The following CDC123 variants were observed in gnomAD, a reference collection of about 807,000 sequenced individuals.
CDC123 encodes the protein translation initiation factor eIF2 assembly protein.
A neutral mutation model predicts 54.4 loss-of-function variants in CDC123; 37 were observed. The ratio of observed to expected loss-of-function variants is 0.68; its 90% CI spans 0.52 to 0.89. The LOEUF (loss-of-function observed/expected upper bound fraction) is 0.89, where lower values mean the gene tolerates loss of function less well. Ranked by LOEUF, CDC123 falls within the 40% of genes least tolerant of loss-of-function variation. CDC123 has a pLI of 0.00. For missense variants in CDC123, 361 were observed against 412.1 expected (o/e 0.88, Z 1.07); for synonymous variants, 144 against 136.8 (o/e 1.05, Z -0.37).
rs763423607 is a variant in CDC123, at chr10:12,250,402, G to A, written c.*65G>A. ...CCGCTCCGGGAGCTGCTCATCAGCC[G>A]CAACTTCCTGCCGACCCTGATGCGG... On this transcript the variant is annotated 3_prime_UTR_variant, in exon 13 of 13. Transcript: ENST00000281141. 1.0e-5 allele frequency: 13 copies of A among 1,242,112 alleles called. No homozygotes were observed. The highest frequency in any genetic ancestry group is 5.1e-5 in the Admixed American group (3 of 58,876). The allele number at this position is 1,242,112 out of a possible 1,614,324, so 76.9% of individuals were successfully genotyped here.
intron 6 of CDC123, among the ~76,000 whole-genome samples, chr10:12,224,507 A>G (rs542005156): frequency 2.2e-4 from 34 of 152,228 alleles, no homozygotes; most frequent in African/African-American, 7.7e-4. Flanking sequence ...TGCCACTTAC[A>G]TTGTAAATAA....
intron 7 of CDC123, among the ~76,000 whole-genome samples, chr10:12,232,787 T>TC (rs1685488321): frequency 8.9e-6 from 1 of 112,994 alleles, no homozygotes; most frequent in Non-Finnish European, 2.2e-5. Context: ...TCCTTACCTT[T>TC]CTTTTTTTTT....
intron 4 of CDC123, among the ~76,000 whole-genome samples, chr10:12,210,676 GTATAT>G (rs1835585803): frequency 6.6e-6 from 1 of 152,058 alleles, no homozygotes; most frequent in African/African-American, 2.4e-5. Flanking sequence ...CCTTATTCAA[GTATAT>G]TTATTTAGTT....
chr10:12,197,346 A>G (rs957315249), intron 1 of CDC123, among the ~76,000 whole-genome samples: 3 of 151,576 alleles, frequency 2.0e-5, no homozygotes, highest in Non-Finnish European at 4.4e-5. Flanking sequence ...ACGTAATAAG[A>G]TTTGTTAGAA....
At chr10:12,220,107 A>C (rs1835716087) in intron 6 of CDC123, among the ~76,000 whole-genome samples, 1 of 152,238 alleles carries the variant, frequency 6.6e-6, no homozygotes, top group Non-Finnish European at 1.5e-5. Context: ...CTGGGATTAC[A>C]AGCGTGAGCC....
chr10:12,201,120 T>C (rs1013749868), intron 2 of CDC123, among the ~76,000 whole-genome samples: 1 of 152,248 alleles, frequency 6.6e-6, no homozygotes, highest in African/African-American at 2.4e-5. Flanking sequence ...TTTCTAGCCC[T>C]TCCCTCTGTG....
chr10:12,237,035 A>G, intron 8 of CDC123, 109 bp from the exon 9 acceptor site: 1 of 1,297,102 alleles, frequency 7.7e-7, no homozygotes, highest in Non-Finnish European at 1.0e-6. Flanking sequence ...CATCAGGGTG[A>G]TCTTCTAATC....
chr10:12,229,681 C>G (rs564460314), intron 6 of CDC123, among the ~76,000 whole-genome samples: 1 of 152,314 alleles, frequency 6.6e-6, no homozygotes, highest in African/African-American at 2.4e-5. Flanking sequence ...TCAACCAGAA[C>G]AAAGGAGTCT....
chr10:12,205,025 A>G (rs1588669965), intron 2 of CDC123, among the ~76,000 whole-genome samples: 1 of 142,522 alleles, frequency 7.0e-6, no homozygotes, highest in Non-Finnish European at 1.5e-5. Context: ...GGTCTTATTC[A>G]TTCTTTCTAC....
Position 12,246,483 on chromosome 10 carries a change from C to A in CDC123, c.846+206C>A, listed in dbSNP as rs1836139802. On this transcript the variant is annotated intron_variant, in intron 11 of 12. Transcript: ENST00000281141. ...CTTTATATACAGAAGTCAGGATCAT[C>A]TGATCAGTTTTTTTAGTTCTTTTTC... is the stretch of plus-strand genomic sequence containing the variant. The A allele has an allele frequency of 1.2e-5, 6 of 481,738 alleles. No homozygotes were observed. In the South Asian group the frequency reaches 2.0e-4, roughly 16 times the overall value. The allele number at this position is 481,738 out of a possible 1,614,324, so 29.8% of individuals were successfully genotyped here.
chr10:12,250,382 C>T lies in CDC123; in HGVS notation c.*45C>T, dbSNP rs370421444. The T allele has an allele frequency of 4.7e-6, 7 of 1,499,064 alleles. No homozygotes were observed. The highest frequency in any genetic ancestry group is 4.1e-5 in the African/African-American group (3 of 72,756). The allele number at this position is 1,499,064 out of a possible 1,614,324, so 92.9% of individuals were successfully genotyped here. Reference sequence around the variant, plus strand: ...GAAGAGGAGGCCCCGCCCCACCGCTCCGGGAGCTGCTCATCAGCCGCAACT... The same window carrying T: ...GAAGAGGAGGCCCCGCCCCACCGCTTCGGGAGCTGCTCATCAGCCGCAACT... On this transcript the variant is annotated 3_prime_UTR_variant, in exon 13 of 13. Transcript: ENST00000281141.
At position 12,206,416 on chromosome 10, in the gene CDC123, C is replaced by T. The variant is rs76290004; in HGVS notation, c.147-3551C>T. ...CTGGCCCCTTGGGCAGGGATTCACA[C>T]GCTGACAGTGTGTTAGTATTTCCAC... is the stretch of plus-strand genomic sequence containing the variant. On this transcript the variant is annotated intron_variant, in intron 2 of 12. Coordinates refer to ENST00000281141, the MANE Select transcript of CDC123 (RefSeq NM_006023.3). Among the ~76,000 whole-genome samples, 926 of 152,322 alleles carry T rather than the reference C, an allele frequency of 6.1e-3. 9 individuals carry two copies. The highest frequency in any genetic ancestry group is 0.021 in the African/African-American group (886 of 41,560).
chr10:12,246,391 G>A (rs1588685443), intron 11 of CDC123, 114 bp downstream of exon 11: 1 of 1,197,598 alleles, frequency 8.4e-7, no homozygotes, highest in South Asian at 1.5e-5. Context: ...GAAGCGCAGA[G>A]TGTAACACAG....
At chr10:12,242,823 T>A (rs2131767345) in intron 10 of CDC123, among the ~76,000 whole-genome samples, 1 of 151,910 alleles carries the variant, frequency 6.6e-6, no homozygotes, top group South Asian at 2.1e-4. Flanking sequence ...GCGCCTGTAA[T>A]CCCAGCTACT....
chr10:12,240,707 C>G (rs759634780), intron 10 of CDC123, among the ~76,000 whole-genome samples: 19 of 152,120 alleles, frequency 1.2e-4, no homozygotes, highest in Non-Finnish European at 1.9e-4. Flanking sequence ...GAGACCTCGT[C>G]TCTACATAAA....
rs181380454 is a variant in CDC123, at chr10:12,200,804, G to A, written c.146+2028G>A. Among the ~76,000 whole-genome samples, 23 of 152,256 alleles carry A rather than the reference G, an allele frequency of 1.5e-4. No homozygotes were observed. In the East Asian group the frequency reaches 1.9e-3, roughly 13 times the overall value. Reference sequence around the variant, plus strand: ...AAAAATTAGCCGGGCATGGTGGTGGGCACCTCTGATTCCTACTACTCGGGA... The same window carrying A: ...AAAAATTAGCCGGGCATGGTGGTGGACACCTCTGATTCCTACTACTCGGGA... On this transcript the variant is annotated intron_variant, in intron 2 of 12. Coordinates refer to ENST00000281141, the MANE Select transcript of CDC123 (RefSeq NM_006023.3).
chr10:12,215,930 C>A, intron 5 of CDC123, 95 bp downstream of exon 5: 1 of 680,954 alleles, frequency 1.5e-6, no homozygotes, highest in South Asian at 2.4e-5. Context: ...AATTATATTC[C>A]TAATTCTAGG....
chr10:12,215,403 C>G (rs536111956), intron 4 of CDC123, among the ~76,000 whole-genome samples: 1 of 152,270 alleles, frequency 6.6e-6, no homozygotes, highest in African/African-American at 2.4e-5. Context: ...TTCCACCTGT[C>G]TATTTTCTCT....
At chr10:12,208,405 T>G (rs1176173942) in intron 2 of CDC123, among the ~76,000 whole-genome samples, 1 of 152,142 alleles carries the variant, frequency 6.6e-6, no homozygotes, top group East Asian at 1.9e-4. Flanking sequence ...AGTGACTATT[T>G]GGGGCCAATG....
Sources: allele counts gnomAD v4.1 joint callset (sites outside exome capture counted in the v4.1 genomes callset), GRCh38; gene constraint gnomAD v4.1.1; transcripts MANE v1.5; gene names NCBI Gene and HGNC (gene_info 2026-07-23, HGNC 2026-07-21).